The following MAMDC2 variants were observed in gnomAD, a reference collection of about 807,000 sequenced individuals.
MAMDC2 encodes MAM domain containing 2.
In MAMDC2, 57 loss-of-function variants were observed where a neutral mutation model predicts 89.8. That is an observed-to-expected ratio of 0.63 (90% confidence interval 0.51 to 0.79). MAMDC2 has a LOEUF of 0.79. Among genes scored for constraint, MAMDC2 ranks in the 30% least tolerant of loss-of-function variants. The probability of loss-of-function intolerance (pLI) is 0.00; values close to 1 mark genes in which losing one functional copy is unlikely to be tolerated. For synonymous variants in MAMDC2, 313 were observed against 293.4 expected, an observed-to-expected ratio of 1.07 and a Z score of -0.68; for missense variants, 800 against 820.6, an observed-to-expected ratio of 0.97 and a Z score of 0.31.
chr9:70,187,885 T>G (rs2118594230), intron 11 of MAMDC2, among the ~76,000 whole-genome samples: 1 of 152,342 alleles, frequency 6.6e-6, no homozygotes, highest in Non-Finnish European at 1.5e-5. Flanking sequence ...GTTTTCATTT[T>G]CTTTAAGGTA....
intron 2 of MAMDC2, among the ~76,000 whole-genome samples, chr9:70,067,712 T>C (rs1276141362): frequency 1.3e-5 from 2 of 152,202 alleles, no homozygotes; most frequent in Non-Finnish European, 2.9e-5. Flanking sequence ...GTGATGTAAG[T>C]GGGAGATGCA....
At position 70,129,292 on chromosome 9, in the gene MAMDC2, G is replaced by A. The variant is rs530750871; in HGVS notation, c.901-2227G>A. On this transcript the variant is annotated intron_variant, in intron 6 of 13. Coordinates refer to ENST00000377182, the MANE Select transcript of MAMDC2 (RefSeq NM_153267.5). The stretch of plus-strand genomic sequence containing the variant: ...TATAAGGATGAGTTTCCCTGCACAA[G>A]CTCTCTTCTCTTCTCTTTGCCTGCT... 5.3e-5 allele frequency among the ~76,000 whole-genome samples: 8 copies of A among 152,308 alleles called. No homozygotes were observed. The South Asian group carries it at 1.5e-3, about 28-fold the overall frequency.
intron 2 of MAMDC2, among the ~76,000 whole-genome samples, chr9:70,072,125 T>C (rs1427924420): frequency 2.0e-5 from 3 of 152,234 alleles, no homozygotes; most frequent in African/African-American, 7.2e-5. Context: ...TATTTATTAT[T>C]AGAAAGTCTT....
chr9:70,138,117 C>A (rs1184079744), intron 7 of MAMDC2, among the ~76,000 whole-genome samples: 2 of 152,118 alleles, frequency 1.3e-5, no homozygotes, highest in African/African-American at 4.8e-5. Flanking sequence ...TCAGTGTGTA[C>A]ACATTATTTA....
chr9:70,083,294 C>T (rs1827694916), intron 2 of MAMDC2: 1 of 151,968 alleles, frequency 6.6e-6, no homozygotes, highest in Non-Finnish European at 1.5e-5. Flanking sequence ...TTTCATTTTA[C>T]AGTGTATATC....
At chr9:70,064,540 G>A (rs537821914) in intron 2 of MAMDC2, among the ~76,000 whole-genome samples, 15 of 152,194 alleles carry the variant, frequency 9.9e-5, no homozygotes, top group South Asian at 4.1e-4. Context: ...CTGAAACTGC[G>A]TTTGCACTTG....
chr9:70,073,384 A>G (rs2118095507), intron 2 of MAMDC2, among the ~76,000 whole-genome samples: 1 of 152,330 alleles, frequency 6.6e-6, no homozygotes, highest in Non-Finnish European at 1.5e-5. Context: ...CCAAAACAAA[A>G]ATAAGAGCTG....
chr9:70,163,872 T>A (rs991732286), intron 9 of MAMDC2, among the ~76,000 whole-genome samples: 2 of 148,096 alleles, frequency 1.4e-5, no homozygotes, highest in African/African-American at 5.0e-5. Context: ...GGGGATCACT[T>A]GAGCCCAGGA....
chr9:70,049,195 G>C (rs983418215), intron 2 of MAMDC2, among the ~76,000 whole-genome samples: 8 of 152,088 alleles, frequency 5.3e-5, no homozygotes, highest in Non-Finnish European at 1.0e-4. Context: ...TGGGCTACAG[G>C]GTTGGGCATC....
intron 12 of MAMDC2, among the ~76,000 whole-genome samples, chr9:70,221,843 T>C (rs1179870780): frequency 2.0e-5 from 3 of 151,874 alleles, no homozygotes; most frequent in African/African-American, 4.8e-5. Flanking sequence ...GTTGATCAAG[T>C]GGTGAGGTCA....
intron 2 of MAMDC2, among the ~76,000 whole-genome samples, chr9:70,102,823 C>A (rs1268521528): frequency 1.3e-5 from 2 of 152,200 alleles, no homozygotes; most frequent in East Asian, 1.9e-4. Context: ...TGAAGTGGAT[C>A]CTTCCCTCTC....
intron 11 of MAMDC2, among the ~76,000 whole-genome samples, chr9:70,186,741 A>G (rs2032762073): frequency 6.6e-6 from 1 of 152,230 alleles, no homozygotes; most frequent in African/African-American, 2.4e-5. Context: ...TAGCACCAAC[A>G]TGAGCTCAGC....
At chr9:70,087,481 A>G (rs568955679) in intron 2 of MAMDC2, 24 of 152,242 alleles carry the variant, frequency 1.6e-4, no homozygotes, top group African/African-American at 5.8e-4. Flanking sequence ...TCTCATGGAA[A>G]GAAAACTTCT....
At chr9:70,082,616 C>A (rs1449604737) in intron 2 of MAMDC2, 1 of 152,174 alleles carries the variant, frequency 6.6e-6, no homozygotes, top group African/African-American at 2.4e-5. Context: ...TATATATATC[C>A]TCTACCTTAT....
chr9:70,190,375 G>T (rs1178738751), intron 11 of MAMDC2, among the ~76,000 whole-genome samples: 2 of 152,006 alleles, frequency 1.3e-5, no homozygotes, highest in African/African-American at 4.8e-5. Context: ...ACTAATTATT[G>T]AACAGAGATT....
chr9:70,044,359 C>A, intron 1 of MAMDC2, 128 bp downstream of exon 1: 2 of 1,081,712 alleles, frequency 1.8e-6, no homozygotes, highest in Non-Finnish European at 2.7e-6. Flanking sequence ...TCCTCCGCAG[C>A]CGCTAACTCC....
At chr9:70,182,041 T>A (rs936560873) in intron 11 of MAMDC2, among the ~76,000 whole-genome samples, 1 of 152,146 alleles carries the variant, frequency 6.6e-6, no homozygotes, top group Non-Finnish European at 1.5e-5. Context: ...GAACACCTAG[T>A]TTATTGAGAG....
At chr9:70,208,237 CATG>C (rs1464466039) in intron 11 of MAMDC2, among the ~76,000 whole-genome samples, 1 of 152,184 alleles carries the variant, frequency 6.6e-6, no homozygotes, top group Non-Finnish European at 1.5e-5. Flanking sequence ...TGGCCATTTT[CATG>C]ATATTGATTC....
intron 2 of MAMDC2, among the ~76,000 whole-genome samples, chr9:70,078,558 C>T (rs3015174): frequency 0.18 from 27,306 of 151,978 alleles, 3,363 homozygotes; most frequent in African/African-American, 0.35. Flanking sequence ...TTTACAAAAA[C>T]AATGTTGATT....
Sources: allele counts gnomAD v4.1 joint callset (sites outside exome capture counted in the v4.1 genomes callset), GRCh38; gene constraint gnomAD v4.1.1; transcripts MANE v1.5; gene names NCBI Gene and HGNC (gene_info 2026-07-23, HGNC 2026-07-21).